TSHR: variants seen among roughly 807,000 people sequenced by gnomAD.
TSHR encodes thyroid stimulating hormone receptor.
TSHR carries 51 observed loss-of-function variants against 64.1 expected under a neutral mutation model. The observed-to-expected ratio is 0.80, with a 90% CI of 0.64 to 1.01. TSHR has a LOEUF of 1.01. Ranked by LOEUF, TSHR falls within the 50% of genes least tolerant of loss-of-function variation. The pLI, the probability that TSHR is intolerant of heterozygous loss-of-function variation, is 0.00. For missense variants in TSHR, 877 were observed against 942.8 expected, an observed-to-expected ratio of 0.93 and a Z score of 0.91; for synonymous variants, 361 against 361.9, an observed-to-expected ratio of 1.00 and a Z score of 0.03.
At chr14:81,128,552 C>G (rs1891109161) in intron 8 of TSHR, among the ~76,000 whole-genome samples, 1 of 152,166 alleles carries the variant, frequency 6.6e-6, no homozygotes, top group Non-Finnish European at 1.5e-5. Flanking sequence ...TTTAAAGAGA[C>G]AAAGTCCTCA....
intron 3 of TSHR, among the ~76,000 whole-genome samples, chr14:81,071,892 C>G (rs1399520231): frequency 6.6e-6 from 1 of 152,124 alleles, no homozygotes; most frequent in African/African-American, 2.4e-5. Flanking sequence ...CATTTCATTT[C>G]TTGGCTTCAT....
chr14:81,094,352 T>C (rs1315375174), intron 6 of TSHR: 3 of 152,186 alleles, frequency 2.0e-5, no homozygotes, highest in Non-Finnish European at 4.4e-5. Flanking sequence ...CAAGTATTTT[T>C]AATGTCCAGG....
At chr14:81,067,483 T>TTATATATATATATATATATATATATATA (rs71103896) in intron 2 of TSHR, among the ~76,000 whole-genome samples, 61 of 134,898 alleles carry the variant, frequency 4.5e-4, no homozygotes, top group African/African-American at 3.7e-4. Flanking sequence ...GTTTATAGTT[T>TTATATATATATATATATATATATATATA]TATATATATA....
chr14:81,144,035 C>T lies in TSHR; in HGVS notation c.1977C>T (p.Ser659=). Residue 659 remains serine, a synonymous_variant, in exon 10 of 10, where the codon TCC becomes TCT. Coordinates refer to ENST00000298171, the MANE Select transcript of TSHR (RefSeq NM_000369.5). ...LNKPLITVSN[S]KILLVLFYPL... is the part of the protein sequence containing the mutation. ...AGCCTCTCATCACTGTTAGCAACTC[C>T]AAAATCTTGCTGGTACTCTTCTATC... 6.2e-7 allele frequency: 1 copy of T among 1,614,146 alleles called. No homozygotes were observed. Among genetic ancestry groups the T allele is most frequent in the Non-Finnish European group, 8.5e-7 (1 of 1,180,038 alleles).
intron 1 of TSHR, among the ~76,000 whole-genome samples, chr14:81,004,167 C>G (rs1889478009): frequency 1.3e-5 from 2 of 151,996 alleles, no homozygotes; most frequent in Admixed American, 1.3e-4. Flanking sequence ...TTTAAAACAC[C>G]CTGACCTCAA....
At chr14:81,125,888 G>T (rs1025194269) in intron 8 of TSHR, among the ~76,000 whole-genome samples, 15 of 151,730 alleles carry the variant, frequency 9.9e-5, no homozygotes, top group African/African-American at 2.9e-4. Flanking sequence ...ATCTCCAGAG[G>T]CACAGCAAAG....
At chr14:80,977,159 G>A (rs1340038180) in intron 1 of TSHR, among the ~76,000 whole-genome samples, 1 of 152,224 alleles carries the variant, frequency 6.6e-6, no homozygotes, top group Non-Finnish European at 1.5e-5. Flanking sequence ...GTGTTATATG[G>A]AATTCTATGT....
At chr14:81,091,745 T>C (rs552043925) in intron 5 of TSHR, among the ~76,000 whole-genome samples, 1 of 152,240 alleles carries the variant, frequency 6.6e-6, no homozygotes, top group Admixed American at 6.5e-5. Context: ...AACTGAGGAA[T>C]AGAAACCTCA....
intron 3 of TSHR, 195 bp downstream of exon 3, chr14:81,068,523 A>G: frequency 1.7e-6 from 1 of 574,544 alleles, no homozygotes; most frequent in Non-Finnish European, 3.1e-6. Context: ...CCATGGTTGG[A>G]AGTTAAAGAC....
chr14:81,136,393 G>A (rs1291214555), intron 8 of TSHR, among the ~76,000 whole-genome samples: 1 of 151,964 alleles, frequency 6.6e-6, no homozygotes, highest in East Asian at 1.9e-4. Flanking sequence ...AATGTGGATG[G>A]GACAATGGTC....
In TSHR at chr14:81,145,889, A is replaced by T. The variant is rs1472916288; in HGVS notation, c.*1536A>T. ...ATGACATTACTTCTGAATGCTCATAAACCACACCATGAAATAAAAGCTCTT... is the reference window on the plus strand; with the variant it reads ...ATGACATTACTTCTGAATGCTCATATACCACACCATGAAATAAAAGCTCTT... On this transcript the variant is annotated 3_prime_UTR_variant, in exon 10 of 10. Coordinates refer to ENST00000298171, the MANE Select transcript of TSHR (RefSeq NM_000369.5). 3 of 232,714 alleles carry T rather than the reference A, an allele frequency of 1.3e-5. No individual in the cohort carries two copies. The allele number at this position is 232,714 out of a possible 1,614,324, so 14.4% of individuals were successfully genotyped here. A position where few individuals can be genotyped will look rare whatever the true frequency, so the allele number is the denominator to read the frequency against.
At chr14:81,111,133 G>C (rs1180554883) in intron 8 of TSHR, among the ~76,000 whole-genome samples, 1 of 152,164 alleles carries the variant, frequency 6.6e-6, no homozygotes, top group Non-Finnish European at 1.5e-5. Flanking sequence ...AGAATTTGAA[G>C]ACCAATAGTG....
At chr14:80,986,988 A>T (rs963975338) in intron 1 of TSHR, among the ~76,000 whole-genome samples, 5 of 152,220 alleles carry the variant, frequency 3.3e-5, no homozygotes, top group Admixed American at 6.5e-5. Context: ...GAGAATTTTC[A>T]GTATCTTTTA....
Position 81,144,746 on chromosome 14 carries a change from A to C in TSHR, c.*393A>C, listed in dbSNP as rs1891867018. On this transcript the variant is annotated 3_prime_UTR_variant, in exon 10 of 10. Transcript: ENST00000298171. ...GATTCAGCAAATGGAAAATGCTATT[A>C]ATTTGGTTGGTGACCACAAGATAAA... is the stretch of plus-strand genomic sequence containing the variant. 1 of 266,586 alleles carries C rather than the reference A, an allele frequency of 3.8e-6. No individual in the cohort carries two copies. Among genetic ancestry groups the C allele is most frequent in the Admixed American group, 4.9e-5 (1 of 20,614 alleles). The allele number at this position is 266,586 out of a possible 1,614,324, so 16.5% of individuals were successfully genotyped here.
At chr14:81,047,214 G>A (rs955296096) in intron 1 of TSHR, among the ~76,000 whole-genome samples, 2 of 152,156 alleles carry the variant, frequency 1.3e-5, no homozygotes, top group Admixed American at 6.5e-5. Context: ...ATGCAGGAGT[G>A]TTGACACCTG....
At chr14:81,049,415 G>A (rs567665204) in intron 1 of TSHR, 17 of 152,246 alleles carry the variant, frequency 1.1e-4, no homozygotes, top group African/African-American at 3.6e-4. Flanking sequence ...TGAAAAGCTT[G>A]CAGGAAAATT....
intron 1 of TSHR, among the ~76,000 whole-genome samples, chr14:81,047,941 C>T (rs1005591924): frequency 6.6e-6 from 1 of 151,988 alleles, no homozygotes; most frequent in Non-Finnish European, 1.5e-5. Context: ...CCACCGCGCC[C>T]GGCCTGTTCA....
chr14:81,037,428 C>CA (rs1884692726), intron 1 of TSHR, among the ~76,000 whole-genome samples: 1 of 114,694 alleles, frequency 8.7e-6, no homozygotes, highest in Non-Finnish European at 1.8e-5. Flanking sequence ...ACAAAACAAA[C>CA]AAACAAACAA....
At chr14:81,139,655 A>AT (rs1162778433) in intron 8 of TSHR, 24 bp from the exon 9 acceptor site, 16 of 1,613,162 alleles carry the variant, frequency 9.9e-6, no homozygotes, top group Non-Finnish European at 1.3e-5. Flanking sequence ...GCCTCTCTGC[A>AT]TTTTTCTGTT....
Sources: allele counts gnomAD v4.1 joint callset (sites outside exome capture counted in the v4.1 genomes callset), GRCh38; gene constraint gnomAD v4.1.1; transcripts MANE v1.5; gene names NCBI Gene and HGNC (gene_info 2026-07-23, HGNC 2026-07-21).